Variants in FNDC1 observed in about 807,000 individuals in gnomAD.
The protein encoded by FNDC1 is fibronectin type III domain-containing protein 1.
A neutral mutation model predicts 168.0 loss-of-function variants in FNDC1; 96 were observed. The observed-to-expected ratio is 0.57, with a 90% CI of 0.48 to 0.68. FNDC1 has a LOEUF of 0.68. Among genes scored for constraint, FNDC1 ranks in the 30% least tolerant of loss-of-function variants. The probability of loss-of-function intolerance (pLI) is 0.00; values close to 1 mark genes in which losing one functional copy is unlikely to be tolerated. For missense variants in FNDC1, 2,587 were observed against 2,482.1 expected (o/e 1.04, Z -0.90); for synonymous variants, 1,099 against 1,025.9 (o/e 1.07, Z -1.36).
chr6:159,266,293 T>C (rs1371271234), intron 21 of FNDC1, 48 bp downstream of exon 21: 1 of 1,600,056 alleles, frequency 6.2e-7, no homozygotes, highest in Non-Finnish European at 8.6e-7. Flanking sequence ...AACATTTTGA[T>C]TTATCAAGTA....
chr6:159,264,540 A>G (rs1278969337), intron 19 of FNDC1, among the ~76,000 whole-genome samples: 3 of 152,226 alleles, frequency 2.0e-5, no homozygotes, highest in Non-Finnish European at 4.4e-5. Context: ...ACAAACAAAG[A>G]TGCTATAAAC....
At chr6:159,188,724 G>C (rs180817402) in intron 1 of FNDC1, among the ~76,000 whole-genome samples, 1 of 150,316 alleles carries the variant, frequency 6.7e-6, no homozygotes, top group African/African-American at 2.4e-5. Context: ...TGTGGGGGTA[G>C]CTTCAAAAAT....
Position 159,225,543 on chromosome 6 carries a change from C to T in FNDC1, c.893C>T (p.Thr298Ile). The T allele has an allele frequency of 6.2e-7, 1 of 1,611,954 alleles. No individual in the cohort carries two copies. The highest frequency in any genetic ancestry group is 8.5e-7 in the Non-Finnish European group (1 of 1,178,542). The change falls in exon 8 of 23, where the codon ACC becomes ATC. Residue 298 changes from threonine (T) to isoleucine (I), a missense_variant. Thr to Ile is a moderately conservative substitution (Grantham distance 89, BLOSUM62 -1). Transcript: ENST00000297267. ...GTTGTGTTTTCTTACAGACAGTACA[C>T]CGTGCGCTATCGAGAGAAGGGGGAA... ...QKKVVASRQY[T>I]VRYREKGELA...
chr6:159,175,186 G>A (rs1181035432), intron 1 of FNDC1, among the ~76,000 whole-genome samples: 24 of 152,120 alleles, frequency 1.6e-4, no homozygotes. Flanking sequence ...GGAATTCCTA[G>A]GTGTACATTT....
intron 1 of FNDC1, among the ~76,000 whole-genome samples, chr6:159,183,293 T>G (rs1781921285): frequency 6.6e-6 from 1 of 152,228 alleles, no homozygotes; most frequent in Non-Finnish European, 1.5e-5. Flanking sequence ...ATGGGTTCTT[T>G]TCAGCCTTGA....
chr6:159,252,357 G>A (rs556196789), intron 17 of FNDC1, among the ~76,000 whole-genome samples: 15 of 152,192 alleles, frequency 9.9e-5, no homozygotes, highest in East Asian at 1.9e-4. Flanking sequence ...AGTGCAGTTC[G>A]CACAATTCAA....
At chr6:159,261,757 C>T (rs1184692944) in intron 19 of FNDC1, among the ~76,000 whole-genome samples, 1 of 152,060 alleles carries the variant, frequency 6.6e-6, no homozygotes, top group Non-Finnish European at 1.5e-5. Flanking sequence ...TCATTCAGAG[C>T]ATGCCCTTGC....
intron 1 of FNDC1, 135 bp from the exon 2 acceptor site, chr6:159,197,296 A>G: frequency 1.2e-6 from 1 of 807,256 alleles, no homozygotes; most frequent in Non-Finnish European, 1.9e-6. Flanking sequence ...CAAATACATG[A>G]CTATCCTTAA....
chr6:159,269,589 G>A (rs57243947), intron 22 of FNDC1, among the ~76,000 whole-genome samples: 33 of 100,816 alleles, frequency 3.3e-4, no homozygotes, highest in African/African-American at 1.2e-3. Flanking sequence ...CTGTCTGTCT[G>A]TCTGTCTGTC....
At chr6:159,258,325 C>T (rs971666474) in intron 18 of FNDC1, among the ~76,000 whole-genome samples, 17 of 152,106 alleles carry the variant, frequency 1.1e-4, no homozygotes, top group African/African-American at 4.1e-4. Context: ...TAAACCTCCC[C>T]TGGTGGGTGT....
intron 22 of FNDC1, among the ~76,000 whole-genome samples, chr6:159,268,222 AT>A (rs1210942228): frequency 2.0e-5 from 3 of 152,158 alleles, no homozygotes; most frequent in African/African-American, 4.8e-5. Flanking sequence ...CGTATAAGCT[AT>A]TTGATTGTGG....
Position 159,232,174 on chromosome 6 carries a change from G to A in FNDC1, c.1662G>A (p.Met554Ile). 1 of 1,613,846 alleles carries A rather than the reference G, an allele frequency of 6.2e-7. No individual in the cohort carries two copies. Among genetic ancestry groups the A allele is most frequent in the African/African-American group, 1.3e-5 (1 of 75,036 alleles). Reference sequence around the variant, plus strand: ...TGGGTTCCCGGGAGGACTCGCCCATGTCACCCTCAGACACCCAAGACCAGA... The same window carrying A: ...TGGGTTCCCGGGAGGACTCGCCCATATCACCCTCAGACACCCAAGACCAGA... ...EELGSREDSP[M>I]SPSDTQDQKR... Residue 554 changes from methionine (M) to isoleucine (I), a missense_variant, in exon 11 of 23, where the codon ATG (methionine) becomes ATA (isoleucine). Transcript: ENST00000297267. This position sits in a 1 kb window ranked among gnomAD's most constrained non-coding sequence, Gnocchi z 4.9.
At position 159,220,985 on chromosome 6, in the gene FNDC1, C is replaced by T. The variant is rs574977686; in HGVS notation, c.668-613C>T. ...ATGCTAGTGGGACCCTCGGAGGGTG[C>T]GGGCAAGAACTGACTGAAAGAACCA... On this transcript the variant is annotated intron_variant, in intron 5 of 22. Coordinates refer to ENST00000297267, the MANE Select transcript of FNDC1 (RefSeq NM_032532.3). Among the ~76,000 whole-genome samples, 4 of 152,264 alleles carry T rather than the reference C, an allele frequency of 2.6e-5. No individual in the cohort carries two copies. In the South Asian group the frequency reaches 6.2e-4, roughly 24 times the overall value.
At chr6:159,189,485 G>C (rs756786384) in intron 1 of FNDC1, among the ~76,000 whole-genome samples, 3 of 152,218 alleles carry the variant, frequency 2.0e-5, no homozygotes, top group Non-Finnish European at 4.4e-5. Context: ...CCACAATACA[G>C]TGTGGATTGG....
intron 14 of FNDC1, chr6:159,240,869 A>G (rs1783404334): frequency 6.6e-6 from 1 of 152,214 alleles, no homozygotes; most frequent in African/African-American, 2.4e-5. Flanking sequence ...TGCAATGTCA[A>G]TTATAAAGCT....
At chr6:159,266,359 T>A in intron 21 of FNDC1, 114 bp downstream of exon 21, 1 of 1,097,350 alleles carries the variant, frequency 9.1e-7, no homozygotes, top group Non-Finnish European at 1.4e-6. Context: ...GCTACGACTA[T>A]GGCTCACTCT....
chr6:159,205,752 T>C (rs932007263), intron 4 of FNDC1, among the ~76,000 whole-genome samples: 2 of 152,236 alleles, frequency 1.3e-5, no homozygotes, highest in Non-Finnish European at 2.9e-5. Flanking sequence ...TAATGAATGA[T>C]GCTAAGCTTT....
chr6:159,186,069 T>G (rs1781992147), intron 1 of FNDC1, among the ~76,000 whole-genome samples: 1 of 152,196 alleles, frequency 6.6e-6, no homozygotes, highest in Non-Finnish European at 1.5e-5. Context: ...TCTGAGCAAA[T>G]TACAGTCAGT....
chr6:159,197,734 CT>C, intron 2 of FNDC1, 109 bp downstream of exon 2: 1 of 983,570 alleles, frequency 1.0e-6, no homozygotes, highest in Non-Finnish European at 1.5e-6. Flanking sequence ...CTCAAGGTCC[CT>C]TACGGTTCTT....
Sources: gnomAD v4.1 joint callset for allele counts (sites outside exome capture counted in the v4.1 genomes callset) on GRCh38, gnomAD v4.1.1 for gene constraint, Gnocchi (gnomAD v3.1) non-coding constraint, MANE v1.5 for transcripts, NCBI Gene and HGNC (gene_info 2026-07-23, HGNC 2026-07-21) for gene names.